The following RBL2 variants were observed in gnomAD, a reference collection of about 807,000 sequenced individuals.
RBL2 encodes retinoblastoma-like protein 2.
RBL2 carries 56 observed loss-of-function variants against 126.0 expected under a neutral mutation model. That is an observed-to-expected ratio of 0.44 (90% confidence interval 0.36 to 0.56). The LOEUF is 0.56. Among genes scored for constraint, RBL2 ranks in the 20% least tolerant of loss-of-function variants. RBL2 has a pLI of 0.00. For missense variants in RBL2, 1,229 were observed against 1,398.2 expected (o/e 0.88, Z 1.93); for synonymous variants, 454 against 478.5 (o/e 0.95, Z 0.67).
chr16:53,490,920 C>T lies in RBL2; in HGVS notation c.*620C>T, dbSNP rs1461338977. On this transcript the variant is annotated 3_prime_UTR_variant, in exon 22 of 22. Transcript: ENST00000262133. ...TCGGGTGTGCAATGTCTGAGTGAAC[C>T]TGTATAAGTGGAGGCACTTTAGGGC... 4.6e-4 allele frequency: 70 copies of T among 152,550 alleles called. No individual in the cohort carries two copies. The highest frequency in any genetic ancestry group is 4.6e-3 in the Admixed American group (70 of 15,270). The allele number at this position is 152,550 out of a possible 1,614,324, so 9.4% of individuals were successfully genotyped here.
At chr16:53,476,749 T>C (rs1960739722) in intron 17 of RBL2, among the ~76,000 whole-genome samples, 1 of 152,194 alleles carries the variant, frequency 6.6e-6, no homozygotes, top group African/African-American at 2.4e-5. Context: ...TTTAATAACT[T>C]TTTTTGTCCT....
intron 17 of RBL2, among the ~76,000 whole-genome samples, chr16:53,478,545 CT>C (rs71143989): frequency 3.0e-4 from 39 of 128,772 alleles, no homozygotes; most frequent in Admixed American, 5.6e-4. Flanking sequence ...TTTGCTAATC[CT>C]TTTTTTTTTT....
chr16:53,434,646 G>A lies in RBL2; in HGVS notation c.90G>A (p.Glu30=), dbSNP rs2057936787. Residue 30 remains glutamate (E), a synonymous_variant, in exon 1 of 22, where the codon GAG becomes GAA. Coordinates refer to ENST00000262133, the MANE Select transcript of RBL2 (RefSeq NM_005611.4). ...ATGAGGAGGAGGAGGACGACGGCGA[G>A]GCGGAAGACGCCGCGCCGCCTGCCG... ...ASDEEEEDDG[E]AEDAAPPAES... 4 of 1,564,384 alleles carry A rather than the reference G, an allele frequency of 2.6e-6. No individual in the cohort carries two copies. Among genetic ancestry groups the A allele is most frequent in the Non-Finnish European group, 3.4e-6 (4 of 1,164,992 alleles).
intron 17 of RBL2, 103 bp from the exon 18 acceptor site, chr16:53,479,051 A>G: frequency 1.2e-6 from 1 of 855,256 alleles, no homozygotes; most frequent in Non-Finnish European, 2.0e-6. Flanking sequence ...AATAGCTTTT[A>G]TATAATTTTC....
At chr16:53,483,339 T>C (rs1277948303) in intron 21 of RBL2, among the ~76,000 whole-genome samples, 3 of 152,116 alleles carry the variant, frequency 2.0e-5, no homozygotes, top group Non-Finnish European at 2.9e-5. Flanking sequence ...GGTGGGAAGA[T>C]TGCTTGAGGC....
intron 4 of RBL2, among the ~76,000 whole-genome samples, chr16:53,448,194 GT>G (rs1350219758): frequency 1.3e-5 from 2 of 151,882 alleles, no homozygotes; most frequent in Non-Finnish European, 2.9e-5. Flanking sequence ...GTCTCACTCT[GT>G]TGCCCAGGCT....
chr16:53,457,270 T>TTTTTTTTTTTTTTTTA (rs2058178466), intron 8 of RBL2, among the ~76,000 whole-genome samples: 1 of 125,526 alleles, frequency 8.0e-6, no homozygotes, highest in Non-Finnish European at 1.7e-5. Context: ...TTTTTTTTTT[T>TTTTTTTTTTTTTTTTA]TTTTTTTGAG....
chr16:53,475,517 T>G (rs1204240097), intron 17 of RBL2, among the ~76,000 whole-genome samples: 1 of 152,146 alleles, frequency 6.6e-6, no homozygotes. Flanking sequence ...TGCCCTGCTT[T>G]TTGTAGTAGT....
At chr16:53,479,422 G>A in intron 18 of RBL2, 197 bp downstream of exon 18, 1 of 555,972 alleles carries the variant, frequency 1.8e-6, no homozygotes, top group Admixed American at 3.4e-5. Flanking sequence ...AGGCAACAAT[G>A]TTAAATATTT....
intron 21 of RBL2, among the ~76,000 whole-genome samples, chr16:53,486,326 C>T (rs1255081404): frequency 6.6e-6 from 1 of 152,004 alleles, no homozygotes; most frequent in Non-Finnish European, 1.5e-5. Flanking sequence ...ATAAATGTGA[C>T]AATGCACATG....
rs1185530505 is a variant in RBL2 at position 53,470,379 on chromosome 16, C to T, written c.2246-4C>T. 1 of 1,608,038 alleles carries T rather than the reference C, an allele frequency of 6.2e-7. No individual in the cohort carries two copies. Among genetic ancestry groups the T allele is most frequent in the Non-Finnish European group, 8.5e-7 (1 of 1,175,316 alleles). ...TTCTTCATGCTTTTTTTCTCTGTCACTAGGTATTGCCAATGAAAATGGAGG... is the reference window on the plus strand; with the variant it reads ...TTCTTCATGCTTTTTTTCTCTGTCATTAGGTATTGCCAATGAAAATGGAGG... On this transcript the variant is annotated splice_polypyrimidine_tract_variant and splice_region_variant and intron_variant, in intron 15 of 21. Coordinates refer to ENST00000262133, the MANE Select transcript of RBL2 (RefSeq NM_005611.4).
intron 17 of RBL2, among the ~76,000 whole-genome samples, chr16:53,474,402 C>T (rs558084932): frequency 2.4e-4 from 36 of 152,150 alleles, no homozygotes; most frequent in African/African-American, 7.7e-4. Flanking sequence ...CCGCAACCTC[C>T]GCCTCCCAGG....
chr16:53,477,981 C>G (rs1488293661), intron 17 of RBL2, among the ~76,000 whole-genome samples: 3 of 152,068 alleles, frequency 2.0e-5, no homozygotes, highest in Non-Finnish European at 4.4e-5. Context: ...AAGGGGTTTG[C>G]TAGCACCAAA....
intron 21 of RBL2, among the ~76,000 whole-genome samples, chr16:53,484,796 C>T (rs1288503652): frequency 1.3e-5 from 2 of 152,134 alleles, no homozygotes; most frequent in Non-Finnish European, 2.9e-5. Context: ...AGCCATGGAG[C>T]TGTACACTTC....
chr16:53,481,208 T>G (rs974653599), intron 20 of RBL2: 3 of 173,656 alleles, frequency 1.7e-5, no homozygotes, highest in Non-Finnish European at 3.7e-5. Flanking sequence ...ACTGAGGAGG[T>G]CTGTAATTTA....
At chr16:53,446,391 G>A (rs1189464150) in intron 3 of RBL2, among the ~76,000 whole-genome samples, 3 of 152,080 alleles carry the variant, frequency 2.0e-5, no homozygotes, top group African/African-American at 4.8e-5. Flanking sequence ...TCTTCTCCAC[G>A]GAATTTCGTT....
At position 53,470,434 on chromosome 16, in the gene RBL2, T is replaced by C. The variant is rs543409968; in HGVS notation, c.2297T>C (p.Val766Ala). The C allele has an allele frequency of 1.2e-6, 2 of 1,614,154 alleles. No individual in the cohort carries two copies. Among genetic ancestry groups the C allele is most frequent in the Admixed American group, 1.7e-5 (1 of 60,004 alleles). The change falls in exon 16 of 22, where the codon GTT (valine) becomes GCT (alanine). Residue 766 changes from valine to alanine, a missense_variant. Coordinates refer to ENST00000262133, the MANE Select transcript of RBL2 (RefSeq NM_005611.4). ...GITFFPVQVN[V>A]GGQAQAVTGS... ...ACATTCTTCCCTGTCCAAGTCAATG[T>C]TGGGGGGCAGGCACAAGCTGTGACA...
At position 53,464,337 on chromosome 16, in the gene RBL2, G is replaced by T. The variant is rs1198467199; in HGVS notation, c.1672G>T (p.Asp558Tyr). Reference protein sequence around the residue: ...GNFPFITEIFDVPLYHFYKVI... With the variant: ...GNFPFITEIFYVPLYHFYKVI... Reference sequence around the variant, plus strand: ...TTTTCCATTTATTACTGAAATATTTGATGTGCCTCTTTATCATTTTTATAA... The same window carrying T: ...TTTTCCATTTATTACTGAAATATTTTATGTGCCTCTTTATCATTTTTATAA... The change falls in exon 12 of 22, where the codon GAT becomes TAT. Residue 558 changes from aspartate to tyrosine, a missense_variant. Around this residue, in one of 2 missense-constraint regions of RBL2, gnomAD observed 1,070 missense variants for 1,274.3 expected, o/e 0.84. Coordinates refer to ENST00000262133, the MANE Select transcript of RBL2 (RefSeq NM_005611.4). The T allele has an allele frequency of 3.8e-6, 6 of 1,581,314 alleles. No homozygotes were observed. In the South Asian group the frequency reaches 6.7e-5, roughly 18 times the overall value.
At chr16:53,448,063 A>G (rs995218432) in intron 4 of RBL2, among the ~76,000 whole-genome samples, 1 of 152,248 alleles carries the variant, frequency 6.6e-6, no homozygotes, top group Non-Finnish European at 1.5e-5. Context: ...AGATGGCTCA[A>G]TAAAATGCAA....
Sources: allele counts gnomAD v4.1 joint callset (sites outside exome capture counted in the v4.1 genomes callset), GRCh38; gene constraint gnomAD v4.1.1; regional missense constraint gnomAD v4.1.1; transcripts MANE v1.5; gene names NCBI Gene and HGNC (gene_info 2026-07-23, HGNC 2026-07-21).